Variants in SMCO2 observed in about 807,000 individuals in gnomAD.
SMCO2 encodes single-pass membrane protein with coiled-coil domains 2.
In SMCO2, 25 loss-of-function variants were observed where a neutral mutation model predicts 29.5. The ratio of observed to expected loss-of-function variants is 0.85; its 90% confidence interval spans 0.62 to 1.18. The LOEUF (loss-of-function observed/expected upper bound fraction) is 1.18, where lower values mean the gene tolerates loss of function less well. Ranked by LOEUF, SMCO2 falls within the 50% of genes most tolerant of loss-of-function variation. The pLI is 0.00. For missense variants in SMCO2, 348 were observed against 344.5 expected, an observed-to-expected ratio of 1.01 and a Z score of -0.08; for synonymous variants, 117 against 123.3, an observed-to-expected ratio of 0.95 and a Z score of 0.34.
the SMCO2 span, among the ~76,000 whole-genome samples, chr12:27,455,196 G>A: frequency 6.6e-6 from 1 of 152,166 alleles, no homozygotes; most frequent in East Asian, 1.9e-4. Flanking sequence ...GGAGAATCCA[G>A]GAGGCAGGCA....
intron 4 of SMCO2, among the ~76,000 whole-genome samples, chr12:27,484,343 C>T (rs1362132808): frequency 2.0e-5 from 3 of 152,164 alleles, no homozygotes; most frequent in Non-Finnish European, 4.4e-5. Flanking sequence ...CACTCCACTG[C>T]ACTCCAGCCT....
chr12:27,470,302 G>A (rs1034662995), intron 1 of SMCO2, among the ~76,000 whole-genome samples: 3 of 152,016 alleles, frequency 2.0e-5, no homozygotes, highest in Non-Finnish European at 4.4e-5. Context: ...ATCAGAAAGC[G>A]ATTAAAAAAA....
At chr12:27,442,260 T>G in the SMCO2 span, among the ~76,000 whole-genome samples, 1 of 152,082 alleles carries the variant, frequency 6.6e-6, no homozygotes, top group East Asian at 1.9e-4. Context: ...AATGAAAAGT[T>G]GGCTTTTTGA....
the SMCO2 span, among the ~76,000 whole-genome samples, chr12:27,454,017 C>T: frequency 3.3e-5 from 5 of 152,084 alleles, no homozygotes; most frequent in East Asian, 1.9e-4. Flanking sequence ...CAGGGTCTCA[C>T]TCTGTCACCC....
chr12:27,494,498 T>C (rs1471973689), intron 6 of SMCO2, 142 bp downstream of exon 7: 1 of 200,894 alleles, frequency 5.0e-6, no homozygotes, highest in Non-Finnish European at 9.8e-6. Flanking sequence ...TTATTATTAT[T>C]ATTATTATTA....
chr12:27,486,680 A>G (rs773991954), intron 4 of SMCO2, among the ~76,000 whole-genome samples: 2 of 152,178 alleles, frequency 1.3e-5, no homozygotes, highest in African/African-American at 2.4e-5. Context: ...TTCTTATACT[A>G]TTCTCTATTT....
rs1468356117 is a variant in SMCO2 at position 27,472,827 on chromosome 12, T to C, written c.186T>C (p.Asp62=). ...ACCACATCTTAGACAGATCGGATGA[T>C]GAGGATGACATTTCCTCCGAAAACC... Residue 62 remains aspartate, a synonymous_variant, in exon 3 of 8, where the codon GAT becomes GAC. Coordinates refer to ENST00000298876, the Ensembl canonical transcript of SMCO2. 6 of 1,550,864 alleles carry C rather than the reference T, an allele frequency of 3.9e-6. No individual in the cohort carries two copies. The East Asian group carries it at 1.5e-4, about 38-fold the overall frequency.
chr12:27,445,777 T>G, the SMCO2 span, among the ~76,000 whole-genome samples: 1 of 152,168 alleles, frequency 6.6e-6, no homozygotes, highest in African/African-American at 2.4e-5. Context: ...CAACAGAAAT[T>G]TATTTTCTCA....
intron 4 of SMCO2, among the ~76,000 whole-genome samples, chr12:27,477,491 T>C (rs1256526144): frequency 6.6e-6 from 1 of 151,952 alleles, no homozygotes; most frequent in Admixed American, 6.5e-5. Context: ...TGCAAGACTT[T>C]GGAAGTTTTT....
chr12:27,468,817 TAC>T (rs1381817176), intron 1 of SMCO2, among the ~76,000 whole-genome samples: 2 of 152,226 alleles, frequency 1.3e-5, no homozygotes, highest in East Asian at 3.8e-4. Flanking sequence ...GCTCCGTTAA[TAC>T]ACACATAAAA....
At chr12:27,428,818 C>CCTTT in the SMCO2 span, among the ~76,000 whole-genome samples, 2 of 130,046 alleles carry the variant, frequency 1.5e-5, no homozygotes, top group African/African-American at 5.8e-5. Context: ...AATAAATGTA[C>CCTTT]TTTTTTTTTT....
intron 1 of SMCO2, among the ~76,000 whole-genome samples, chr12:27,468,566 T>C (rs1221840918): frequency 6.6e-6 from 1 of 152,242 alleles, no homozygotes; most frequent in Non-Finnish European, 1.5e-5. Context: ...AGTTCCTCAG[T>C]TGCACTGGCC....
the SMCO2 span, among the ~76,000 whole-genome samples, chr12:27,427,823 G>A: frequency 6.6e-6 from 1 of 152,118 alleles, no homozygotes; most frequent in African/African-American, 2.4e-5. Flanking sequence ...TTTCATAAAC[G>A]CAGAGCCAAG....
At chr12:27,487,515 A>G (rs1949698626) in intron 4 of SMCO2, among the ~76,000 whole-genome samples, 1 of 152,212 alleles carries the variant, frequency 6.6e-6, no homozygotes, top group Non-Finnish European at 1.5e-5. Context: ...ACTATTATGA[A>G]TAAAGCTGCT....
chr12:27,438,321 C>T, the SMCO2 span, among the ~76,000 whole-genome samples: 1 of 152,122 alleles, frequency 6.6e-6, no homozygotes, highest in African/African-American at 2.4e-5. Flanking sequence ...ACTCCTATAG[C>T]TTTACTACCA....
the SMCO2 span, among the ~76,000 whole-genome samples, chr12:27,427,682 G>A: frequency 4.6e-5 from 7 of 152,330 alleles, no homozygotes; most frequent in East Asian, 1.2e-3. Context: ...GAAGGGACAA[G>A]AGAACCTCTT....
At chr12:27,464,431 G>A (rs889565893), upstream of SMCO2, among the ~76,000 whole-genome samples, 3 of 152,022 alleles carry the variant, frequency 2.0e-5, no homozygotes, top group African/African-American at 7.2e-5. Flanking sequence ...AGAAGAGGCC[G>A]GGCGCAATGA....
chr12:27,447,070 T>A, the SMCO2 span, among the ~76,000 whole-genome samples: 1 of 152,140 alleles, frequency 6.6e-6, no homozygotes, highest in East Asian at 1.9e-4. Flanking sequence ...GTCAGTGTGC[T>A]TTTTGGAAAG....
upstream of SMCO2, among the ~76,000 whole-genome samples, chr12:27,464,716 C>CAAAAAAAAAAAA (rs767874837): frequency 2.2e-5 from 1 of 46,134 alleles, no homozygotes; most frequent in African/African-American, 9.0e-5. Context: ...GACCCTGTCT[C>CAAAAAAAAAAAA]AAAAAAAAAA....
Sources: allele counts gnomAD v4.1 joint callset (sites outside exome capture counted in the v4.1 genomes callset), GRCh38; gene constraint gnomAD v4.1.1; transcripts MANE v1.5; gene names NCBI Gene and HGNC (gene_info 2026-07-23, HGNC 2026-07-21).